FMR1: variants seen among roughly 807,000 people sequenced by gnomAD.
FMR1 encodes the protein fragile X messenger ribonucleoprotein 1, also known as FMRP translational regulator 1.
A neutral mutation model predicts 50.6 loss-of-function variants in FMR1; 13 were observed. That is an observed-to-expected ratio of 0.26 (90% CI 0.17 to 0.41). FMR1 has a LOEUF of 0.41. FMR1 is among the 10% of genes least tolerant of loss of function. The pLI is 1.00. For missense variants in FMR1, 316 were observed against 491.3 expected (o/e 0.64, Z 3.37); for synonymous variants, 138 against 164.1 (o/e 0.84, Z 1.22).
At chrX:147,924,866 G>A (rs2043332615) in intron 2 of FMR1, 1 of 109,582 alleles carries the variant, frequency 9.1e-6, no homozygotes. Context: ...ATCTTTCAGA[G>A]TTGTTTAATA....
intron 1 of FMR1, chrX:147,912,815 G>A: frequency 3.4e-6 from 1 of 297,474 alleles, no homozygotes; most frequent in South Asian, 2.0e-4. Context: ...AAATCACAAT[G>A]GCAACTGATT....
chrX:147,950,892 G>A lies in FMR1; in HGVS notation c.*2048G>A. ...TTTTTACAAAGGCTGTATTCAGCAA[G>A]GCGCTAACTTGCTTAAATGTGAATT... On this transcript the variant is annotated 3_prime_UTR_variant, in exon 17 of 17. Transcript: ENST00000370475. 6.7e-6 allele frequency: 2 copies of A among 299,843 alleles called. No homozygotes were observed. Among genetic ancestry groups the A allele is most frequent in the Non-Finnish European group, 1.3e-5 (2 of 157,828 alleles). 24.7% of individuals were successfully genotyped at this position (299,843 alleles called of 1,213,427 possible).
At chrX:147,940,122 C>T (rs1194308824) in intron 12 of FMR1, 1 of 82,916 alleles carries the variant, frequency 1.2e-5, no homozygotes, top group Non-Finnish European at 2.1e-5. Flanking sequence ...GATCCCGCCA[C>T]TGCACTCCAG....
intron 13 of FMR1, among the ~76,000 whole-genome samples, chrX:147,941,104 T>C (rs1557180803): frequency 8.9e-6 from 1 of 112,386 alleles, no homozygotes; most frequent in African/African-American, 3.2e-5. Context: ...TTCTCTTTAC[T>C]GTTATTCAAA....
chrX:147,950,780 A>G lies in FMR1; in HGVS notation c.*1936A>G, dbSNP rs1266459699. 11 of 307,403 alleles carry G rather than the reference A, an allele frequency of 3.6e-5. No individual in the cohort carries two copies. Among genetic ancestry groups the G allele is most frequent in the Non-Finnish European group, 6.8e-5 (11 of 161,835 alleles). 25.3% of individuals were successfully genotyped at this position (307,403 alleles called of 1,213,427 possible). The stretch of plus-strand genomic sequence containing the variant: ...ATAGGAAGTTAGCCTTTATCTACCA[A>G]CTTTCAAGAACTTGTTTAATAAAGC... On this transcript the variant is annotated 3_prime_UTR_variant, in exon 17 of 17. Coordinates refer to ENST00000370475, the MANE Select transcript of FMR1 (RefSeq NM_002024.6).
rs530989099 is a variant in FMR1, at chrX:147,934,205, G to T, written c.880+1442G>T. ...TGGAAAAAGAGCTGGTAGTTGTTTT[G>T]TTTTTTTTTTTTAATAGCAAATGAG... is the stretch of plus-strand genomic sequence containing the variant. On this transcript the variant is annotated intron_variant, in intron 9 of 16. Coordinates refer to ENST00000370475, the MANE Select transcript of FMR1 (RefSeq NM_002024.6). 1.8e-4 allele frequency among the ~76,000 whole-genome samples: 18 copies of T among 100,045 alleles called. No individual in the cohort carries two copies. In the South Asian group the frequency reaches 2.7e-3, roughly 15 times the overall value. 86.9% of individuals were successfully genotyped at this position (100,045 alleles called of 115,157 possible).
At position 147,951,053 on chromosome X, in the gene FMR1, T is replaced by C; in HGVS notation, c.*2209T>C. 4.1e-6 allele frequency: 1 copy of C among 244,470 alleles called. No homozygotes were observed. The allele number at this position is 244,470 out of a possible 1,213,427, so 20.1% of individuals were successfully genotyped here. On this transcript the variant is annotated 3_prime_UTR_variant, in exon 17 of 17. Transcript: ENST00000370475. ...GATGTTTTTAAAATCTTATTAAAGT[T>C]TCAAAAATCTGAAGATTGTTTATCT...
intron 1 of FMR1, among the ~76,000 whole-genome samples, chrX:147,920,604 C>T (rs2043113743): frequency 8.9e-6 from 1 of 111,901 alleles, no homozygotes; most frequent in Non-Finnish European, 1.9e-5. Context: ...ATACTAGACA[C>T]TCTGCAGTAT....
At position 147,912,247 on chromosome X, in the gene FMR1, C is replaced by T. The variant is rs1557174033; in HGVS notation, c.51+17C>T. The stretch of plus-strand genomic sequence containing the variant: ...TTCTACAAGGTACTTGGCTCTAGGG[C>T]AGGCCCCATCTTCGCCCTTCCTTCC... On this transcript the variant is annotated intron_variant, in intron 1 of 16. Transcript: ENST00000370475. The T allele has an allele frequency of 2.6e-6, 3 of 1,155,047 alleles. No homozygotes were observed. The East Asian group carries it at 9.8e-5, about 38-fold the overall frequency.
At chrX:147,947,821 G>A (rs1000115421) in intron 16 of FMR1, among the ~76,000 whole-genome samples, 11 of 112,066 alleles carry the variant, frequency 9.8e-5, no homozygotes, top group Non-Finnish European at 2.1e-4. Context: ...AACCATTTGG[G>A]GATGTTTTTA....
chrX:147,932,276 T>G (rs1490135511), intron 7 of FMR1, 149 bp from the exon 8 acceptor site: 2 of 509,104 alleles, frequency 3.9e-6, no homozygotes, highest in African/African-American at 4.8e-5. Flanking sequence ...GTGAGAGGTA[T>G]TTTCTAAAAC....
chrX:147,944,864 G>C lies in FMR1; in HGVS notation c.1472-5G>C. On this transcript the variant is annotated splice_polypyrimidine_tract_variant and splice_region_variant and intron_variant, in intron 14 of 16. Coordinates refer to ENST00000370475, the MANE Select transcript of FMR1 (RefSeq NM_002024.6). ...CAATGGTATATAACTTTTAACTCTCGATAGGAACTAATTCTGAAGCATCAA... is the reference window on the plus strand; with the variant it reads ...CAATGGTATATAACTTTTAACTCTCCATAGGAACTAATTCTGAAGCATCAA... The C allele has an allele frequency of 8.3e-7, 1 of 1,202,565 alleles. No individual in the cohort carries two copies. The highest frequency in any genetic ancestry group is 1.1e-6 in the Non-Finnish European group (1 of 891,991).
intron 1 of FMR1, chrX:147,913,760 A>G (rs970568999): frequency 1.8e-5 from 2 of 112,257 alleles, no homozygotes; most frequent in East Asian, 5.6e-4. Context: ...TCTGCAGTCA[A>G]AATTTTAATT....
chrX:147,934,196 AGTT>A (rs1227327571), intron 9 of FMR1, among the ~76,000 whole-genome samples: 7 of 104,909 alleles, frequency 6.7e-5, no homozygotes, highest in East Asian at 5.7e-4. Flanking sequence ...AAGAGCTGGT[AGTT>A]GTTTTGTTTT....
intron 7 of FMR1, chrX:147,931,036 C>G (rs1426804425): frequency 8.9e-6 from 1 of 112,147 alleles, no homozygotes; most frequent in East Asian, 2.8e-4. Context: ...TGATGCTGAA[C>G]TCTTAGCAGA....
intron 1 of FMR1, among the ~76,000 whole-genome samples, chrX:147,916,047 A>C (rs1557175124): frequency 8.9e-6 from 1 of 112,488 alleles, no homozygotes; most frequent in Admixed American, 9.4e-5. Flanking sequence ...TCATGAAATA[A>C]TTCAGTTTAT....
intron 9 of FMR1, among the ~76,000 whole-genome samples, chrX:147,934,452 A>C (rs1176056580): frequency 9.0e-6 from 1 of 111,219 alleles, no homozygotes; most frequent in East Asian, 2.8e-4. Context: ...GTGATAATTA[A>C]ATTGGAAGAT....
chrX:147,928,563 C>A, intron 4 of FMR1, 96 bp from the exon 5 acceptor site: 1 of 874,180 alleles, frequency 1.1e-6, no homozygotes, highest in Non-Finnish European at 1.6e-6. Flanking sequence ...TAAATTTTTT[C>A]ACATAGATTA....
chrX:147,912,069 C>CGGCGGCGGCGGA lies in FMR1; in HGVS notation c.-99_-88dup, dbSNP rs1419747486. Reference sequence around the variant, plus strand: ...GGCAGCGCGGCGGCGGCGGCGGCGGCGGCGGCGGCGGAGGCGGCGGCGGCG... The same window carrying CGGCGGCGGCGGA: ...GGCAGCGCGGCGGCGGCGGCGGCGGCGGCGGCGGCGGAGGCGGCGGCGGAGGCGGCGGCGGCG... On this transcript the variant is annotated 5_prime_UTR_variant, in exon 1 of 17. Transcript: ENST00000370475. 4 of 262,949 alleles carry CGGCGGCGGCGGA rather than the reference C, an allele frequency of 1.5e-5. No individual in the cohort carries two copies. The highest frequency in any genetic ancestry group is 2.0e-5 in the Non-Finnish European group (4 of 196,134). 21.7% of individuals were successfully genotyped at this position (262,949 alleles called of 1,213,427 possible).
Sources: allele counts gnomAD v4.1 joint callset (sites outside exome capture counted in the v4.1 genomes callset), GRCh38; gene constraint gnomAD v4.1.1; transcripts MANE v1.5; gene names NCBI Gene and HGNC (gene_info 2026-07-23, HGNC 2026-07-21).